LARS2: variants seen among roughly 807,000 people sequenced by gnomAD.
LARS2 encodes leucyl-tRNA synthetase 2, mitochondrial.
In LARS2, 81 loss-of-function variants were observed where a neutral mutation model predicts 116.6. The ratio of observed to expected loss-of-function variants is 0.69; its 90% CI spans 0.58 to 0.84. The LOEUF is 0.84. Among genes scored for constraint, LARS2 ranks in the 40% least tolerant of loss-of-function variants. LARS2 has a pLI of 0.00. For missense variants in LARS2, 968 were observed against 1,114.5 expected, an observed-to-expected ratio of 0.87 and a Z score of 1.87; for synonymous variants, 396 against 407.2, an observed-to-expected ratio of 0.97 and a Z score of 0.33.
chr3:45,489,506 A>C (rs1015399698), intron 12 of LARS2, among the ~76,000 whole-genome samples: 1 of 150,822 alleles, frequency 6.6e-6, no homozygotes, highest in African/African-American at 2.4e-5. Flanking sequence ...ACTTCTAACG[A>C]GTTTCCAGAT....
At chr3:45,422,300 TAGG>T (rs1456426007) in intron 6 of LARS2, 2 of 152,236 alleles carry the variant, frequency 1.3e-5, no homozygotes, top group African/African-American at 4.8e-5. Flanking sequence ...CCCATATAGA[TAGG>T]AGGTGTTTGT....
chr3:45,394,377 A>T (rs1348899621), intron 2 of LARS2, 56 bp from the exon 3 acceptor site: 2 of 937,150 alleles, frequency 2.1e-6, no homozygotes, highest in Admixed American at 4.0e-5. Flanking sequence ...ATGGAAAGAT[A>T]AGCTCTGGGG....
chr3:45,540,728 G>A (rs1366072532), intron 20 of LARS2, among the ~76,000 whole-genome samples: 1 of 150,718 alleles, frequency 6.6e-6, no homozygotes, highest in Non-Finnish European at 1.5e-5. Flanking sequence ...ATCAACAGAG[G>A]CTTGCATGTA....
intron 6 of LARS2, chr3:45,421,956 T>C (rs1040053320): frequency 2.0e-5 from 3 of 152,220 alleles, no homozygotes; most frequent in African/African-American, 7.2e-5. Context: ...CTCAAGAGTA[T>C]CATACTGCTT....
intron 8 of LARS2, among the ~76,000 whole-genome samples, chr3:45,464,555 C>T (rs552537082): frequency 6.6e-6 from 1 of 152,298 alleles, no homozygotes; most frequent in East Asian, 1.9e-4. Flanking sequence ...TCCCCTTCAC[C>T]CCTGTCACTC....
At chr3:45,523,958 T>C (rs745408923) in intron 19 of LARS2, 39 bp from the exon 20 acceptor site, 1 of 1,466,234 alleles carries the variant, frequency 6.8e-7, no homozygotes. Flanking sequence ...TGCTTATTTT[T>C]ACACCTCAGT....
chr3:45,430,664 G>A (rs867027081), intron 6 of LARS2, among the ~76,000 whole-genome samples: 6 of 135,946 alleles, frequency 4.4e-5, no homozygotes, highest in South Asian at 4.7e-4. Context: ...AGCTCACTGC[G>A]AGCTTCGCCT....
intron 20 of LARS2, among the ~76,000 whole-genome samples, chr3:45,526,470 A>C (rs572314135): frequency 6.6e-6 from 1 of 152,296 alleles, no homozygotes; most frequent in South Asian, 2.1e-4. Context: ...CAACATATCC[A>C]TGGGTTGCTG....
chr3:45,511,145 GCC>G (rs1190431072), intron 15 of LARS2, among the ~76,000 whole-genome samples: 1 of 152,128 alleles, frequency 6.6e-6, no homozygotes, highest in Non-Finnish European at 1.5e-5. Flanking sequence ...ATCTGAGATG[GCC>G]CCTGCTGCAC....
At chr3:45,485,145 G>T (rs1464176080) in intron 10 of LARS2, among the ~76,000 whole-genome samples, 1 of 152,100 alleles carries the variant, frequency 6.6e-6, no homozygotes, top group Non-Finnish European at 1.5e-5. Context: ...TGGATCCTAT[G>T]TCTGTCTCTT....
chr3:45,541,290 C>A (rs1700792185), intron 20 of LARS2, among the ~76,000 whole-genome samples: 2 of 152,140 alleles, frequency 1.3e-5, no homozygotes. Flanking sequence ...TCCTTCCATT[C>A]CACTAAACGG....
intron 21 of LARS2, among the ~76,000 whole-genome samples, chr3:45,544,830 C>T (rs1397683952): frequency 6.6e-6 from 1 of 152,128 alleles, no homozygotes; most frequent in Non-Finnish European, 1.5e-5. Flanking sequence ...CAGCCTCTCC[C>T]CAGTGGAGAG....
rs1229161770 is a variant in LARS2 at position 45,516,228 on chromosome 3, A to G, written c.1996A>G (p.Ile666Val). 2 of 1,614,054 alleles carry G rather than the reference A, an allele frequency of 1.2e-6. No homozygotes were observed. The highest frequency in any genetic ancestry group is 1.7e-6 in the Non-Finnish European group (2 of 1,180,016). The change falls in exon 17 of 22, where the codon ATC becomes GTC. Residue 666 changes from isoleucine (I) to valine (V), a missense_variant. Transcript: ENST00000645846. Reference sequence around the variant, plus strand: ...TGGGATCGACACGATTCGGCTCTACATCCTTTTTGCTGCCCCTCCTGAGAA... The same window carrying G: ...TGGGATCGACACGATTCGGCTCTACGTCCTTTTTGCTGCCCCTCCTGAGAA... ...QYGIDTIRLY[I>V]LFAAPPEKDI...
At chr3:45,478,845 T>C (rs1699655687) in intron 10 of LARS2, among the ~76,000 whole-genome samples, 1 of 152,214 alleles carries the variant, frequency 6.6e-6, no homozygotes, top group African/African-American at 2.4e-5. Flanking sequence ...GCCAGTACAG[T>C]GCATTGAGTG....
intron 4 of LARS2, among the ~76,000 whole-genome samples, chr3:45,403,946 G>A (rs1229823179): frequency 6.6e-6 from 1 of 152,176 alleles, no homozygotes; most frequent in African/African-American, 2.4e-5. Context: ...ACAGGGTTAT[G>A]AGGATTAGAT....
At chr3:45,414,336 G>T (rs534283749) in intron 4 of LARS2, among the ~76,000 whole-genome samples, 1 of 152,032 alleles carries the variant, frequency 6.6e-6, no homozygotes, top group Non-Finnish European at 1.5e-5. Context: ...CATGTAACTG[G>T]TACGTATGGC....
intron 9 of LARS2, among the ~76,000 whole-genome samples, chr3:45,475,673 A>G (rs749141666): frequency 1.1e-4 from 17 of 152,204 alleles, no homozygotes; most frequent in Non-Finnish European, 2.2e-4. Flanking sequence ...CCACCTGAAA[A>G]TAAGATGGGG....
chr3:45,524,023 C>G lies in LARS2; in HGVS notation c.2319C>G (p.His773Gln), dbSNP rs533890419. The G allele has an allele frequency of 1.2e-6, 2 of 1,614,022 alleles. No homozygotes were observed. The highest frequency in any genetic ancestry group is 1.7e-6 in the Non-Finnish European group (2 of 1,179,944). ...LSQASQSVIL[H>Q]SPEFEDALCA... ...AAGCCTCTCAGAGCGTCATTCTCCACAGCCCCGAGTTTGAGGATGCTTTGT... is the reference window on the plus strand; with the variant it reads ...AAGCCTCTCAGAGCGTCATTCTCCAGAGCCCCGAGTTTGAGGATGCTTTGT... Residue 773 changes from histidine to glutamine, a missense_variant, in exon 20 of 22, where the codon CAC becomes CAG. Physicochemically the swap from His to Gln is conservative, Grantham distance 24 (BLOSUM62 0). Coordinates refer to ENST00000645846, the MANE Select transcript of LARS2 (RefSeq NM_015340.4).
chr3:45,430,471 G>A (rs1182647766), intron 6 of LARS2, among the ~76,000 whole-genome samples: 4 of 147,666 alleles, frequency 2.7e-5, no homozygotes, highest in Non-Finnish European at 4.5e-5. Context: ...TAGTAGAGAC[G>A]GGGTTTCACC....
Sources: allele counts gnomAD v4.1 joint callset (sites outside exome capture counted in the v4.1 genomes callset), GRCh38; gene constraint gnomAD v4.1.1; transcripts MANE v1.5; gene names NCBI Gene and HGNC (gene_info 2026-07-23, HGNC 2026-07-21).